Variants in SOX5 observed in about 807,000 individuals in gnomAD.
The protein encoded by SOX5 is transcription factor SOX-5.
SOX5 carries 9 observed loss-of-function variants against 92.0 expected under a neutral mutation model. That is an observed-to-expected ratio of 0.10 (90% confidence interval 0.06 to 0.17). The LOEUF is 0.17. SOX5 is among the 10% of genes least tolerant of loss of function. The pLI is 1.00. For synonymous variants in SOX5, 344 were observed against 336.3 expected, an observed-to-expected ratio of 1.02 and a Z score of -0.25; for missense variants, 642 against 944.5, an observed-to-expected ratio of 0.68 and a Z score of 4.20.
At chr12:23,967,005 GCTGT>G (rs1448746865) in intron 4 of SOX5, among the ~76,000 whole-genome samples, 1 of 152,188 alleles carries the variant, frequency 6.6e-6, no homozygotes, top group African/African-American at 2.4e-5. Context: ...CTTTCTAGCA[GCTGT>G]CTGTTTAACC....
At chr12:24,029,239 T>G (rs1955216012) in intron 4 of SOX5, among the ~76,000 whole-genome samples, 1 of 151,918 alleles carries the variant, frequency 6.6e-6, no homozygotes, top group South Asian at 2.1e-4. Context: ...AATAGAATAT[T>G]TACCAAGAGC....
In SOX5 at chr12:23,752,483, T is replaced by A. The variant is rs16926696; in HGVS notation, c.568+3155A>T. Among the ~76,000 whole-genome samples, 1,426 of 151,974 alleles carry A rather than the reference T, an allele frequency of 9.4e-3. 24 individuals are homozygous for A. Among genetic ancestry groups the A allele is most frequent in the African/African-American group, 0.032 (1,325 of 41,506 alleles). ...AATTACTTTGTTGAAAAACAAATGA[T>A]CTGCTTAGATTAGTTAAAGCCGACA... On this transcript the variant is annotated intron_variant, in intron 4 of 14. Transcript: ENST00000451604.
At chr12:24,221,399 C>T (rs1217737229) in intron 3 of SOX5, among the ~76,000 whole-genome samples, 5 of 152,024 alleles carry the variant, frequency 3.3e-5, no homozygotes, top group African/African-American at 7.2e-5. Context: ...AAACAGAGCC[C>T]GACTTCAAAT....
intron 4 of SOX5, among the ~76,000 whole-genome samples, chr12:24,076,086 G>T (rs1641293317): frequency 6.6e-6 from 1 of 152,124 alleles, no homozygotes; most frequent in Non-Finnish European, 1.5e-5. Flanking sequence ...ATGAGAGAGT[G>T]TTTTTTGTCG....
At chr12:24,476,568 C>T (rs1945399422) in intron 1 of SOX5, among the ~76,000 whole-genome samples, 1 of 152,142 alleles carries the variant, frequency 6.6e-6, no homozygotes, top group South Asian at 2.1e-4. Context: ...ACCTATGTCA[C>T]TGTAGTTGTT....
intron 4 of SOX5, among the ~76,000 whole-genome samples, chr12:24,128,359 C>T (rs1949314121): frequency 6.6e-6 from 1 of 152,156 alleles, no homozygotes; most frequent in African/African-American, 2.4e-5. Context: ...TTACTCCTTG[C>T]TCATGAAACA....
chr12:24,123,272 AG>A (rs1484244869), intron 4 of SOX5, among the ~76,000 whole-genome samples: 1 of 152,244 alleles, frequency 6.6e-6, no homozygotes, highest in African/African-American at 2.4e-5. Flanking sequence ...TAATAAAAAA[AG>A]GATAGAGGTA....
At chr12:24,053,924 G>A (rs1957846409) in intron 4 of SOX5, among the ~76,000 whole-genome samples, 1 of 152,170 alleles carries the variant, frequency 6.6e-6, no homozygotes, top group Admixed American at 6.5e-5. Context: ...TATGCAGGGA[G>A]GATAAGTGAC....
chr12:23,623,889 T>C (rs1222293954), intron 8 of SOX5, among the ~76,000 whole-genome samples: 1 of 152,112 alleles, frequency 6.6e-6, no homozygotes, highest in Non-Finnish European at 1.5e-5. Flanking sequence ...GTATATCCAA[T>C]ATTCATAACA....
At chr12:24,369,089 C>G (rs1956460264) in intron 1 of SOX5, among the ~76,000 whole-genome samples, 1 of 152,184 alleles carries the variant, frequency 6.6e-6, no homozygotes, top group Non-Finnish European at 1.5e-5. Flanking sequence ...TTAAAGGAGA[C>G]AACGCCTAGC....
chr12:24,225,833 T>C (rs940810979), intron 3 of SOX5, among the ~76,000 whole-genome samples: 1 of 152,190 alleles, frequency 6.6e-6, no homozygotes, highest in Non-Finnish European at 1.5e-5. Flanking sequence ...ATTATAATTG[T>C]AAAAGTAGAA....
At chr12:24,070,995 A>G (rs1454477002) in intron 4 of SOX5, among the ~76,000 whole-genome samples, 14 of 152,200 alleles carry the variant, frequency 9.2e-5, no homozygotes, top group Admixed American at 9.2e-4. Flanking sequence ...TATGCCAAAC[A>G]TTATGCTGGA....
chr12:23,667,508 C>A (rs530447888), intron 6 of SOX5, among the ~76,000 whole-genome samples: 3 of 152,132 alleles, frequency 2.0e-5, no homozygotes, highest in Admixed American at 2.0e-4. Flanking sequence ...AGAGTGACAT[C>A]GAAATTTAAA....
At chr12:23,617,128 G>GAAAAAAAA (rs34672362) in intron 8 of SOX5, among the ~76,000 whole-genome samples, 1 of 106,190 alleles carries the variant, frequency 9.4e-6, no homozygotes, top group Non-Finnish European at 1.9e-5. Flanking sequence ...TCTGTCTCAA[G>GAAAAAAAA]AAAAAAAAAA....
chr12:23,603,432 A>AATATATATATAAAATATATATATAT (rs1555193631), intron 9 of SOX5, among the ~76,000 whole-genome samples: 2 of 90,832 alleles, frequency 2.2e-5, no homozygotes, highest in Non-Finnish European at 5.2e-5. Context: ...CAGCAAAATA[A>AATATATATATAAAATATATATATAT]ATATATATAT....
At chr12:24,518,087 G>A (rs75102960) in intron 1 of SOX5, among the ~76,000 whole-genome samples, 1 of 125,648 alleles carries the variant, frequency 8.0e-6, no homozygotes, top group South Asian at 2.4e-4. Flanking sequence ...TTTTTTTTTT[G>A]AGGCAGGGTC....
chr12:24,360,650 G>A (rs1399908113), intron 2 of SOX5, among the ~76,000 whole-genome samples: 2 of 152,102 alleles, frequency 1.3e-5, no homozygotes, highest in African/African-American at 4.8e-5. Context: ...TTGAAAGTGT[G>A]GAAATTAGTA....
intron 2 of SOX5, among the ~76,000 whole-genome samples, chr12:24,287,009 G>T (rs560851145): frequency 2.9e-4 from 44 of 152,246 alleles, no homozygotes; most frequent in African/African-American, 1.1e-3. Flanking sequence ...TAGAATTTTT[G>T]AACTAAACTA....
At chr12:23,702,456 T>A (rs1398854535) in intron 6 of SOX5, among the ~76,000 whole-genome samples, 3 of 152,022 alleles carry the variant, frequency 2.0e-5, no homozygotes, top group Non-Finnish European at 4.4e-5. Context: ...GTGAACCAAA[T>A]GAAGCTATTT....
Sources: gnomAD v4.1 joint callset for allele counts (sites outside exome capture counted in the v4.1 genomes callset) on GRCh38, gnomAD v4.1.1 for gene constraint, MANE v1.5 for transcripts, NCBI Gene and HGNC (gene_info 2026-07-23, HGNC 2026-07-21) for gene names.